Variants in MSRB3 observed in about 807,000 individuals in gnomAD.
MSRB3 encodes the protein methionine sulfoxide reductase B3.
Under a neutral mutation model 21.0 loss-of-function variants are expected in MSRB3, and 13 were observed. That is an observed-to-expected ratio of 0.62 (90% confidence interval 0.40 to 0.98). MSRB3 has a LOEUF of 0.98. Ranked by LOEUF, MSRB3 falls within the 50% of genes least tolerant of loss-of-function variation. MSRB3 has a pLI of 0.00. For synonymous variants in MSRB3, 87 were observed against 88.6 expected (o/e 0.98, Z 0.10); for missense variants, 199 against 230.3 (o/e 0.86, Z 0.88).
At chr12:65,280,316 TTAA>T (rs1442819462) in intron 1 of MSRB3, among the ~76,000 whole-genome samples, 2 of 152,236 alleles carry the variant, frequency 1.3e-5, no homozygotes, top group Non-Finnish European at 2.9e-5. Flanking sequence ...GGAAGTAACT[TTAA>T]TAGCACTTCT....
intron 5 of MSRB3, among the ~76,000 whole-genome samples, chr12:65,421,325 G>C (rs1347602236): frequency 2.0e-5 from 3 of 151,628 alleles, no homozygotes; most frequent in African/African-American, 7.3e-5. Flanking sequence ...TTTTTTTCTT[G>C]TACATTTGTT....
intron 5 of MSRB3, 137 bp from the exon 6 acceptor site, chr12:65,453,591 T>G: frequency 1.4e-6 from 1 of 735,582 alleles, no homozygotes; most frequent in South Asian, 1.5e-5. Context: ...GCTTTTGACC[T>G]TTCTTTTTTC....
chr12:65,389,838 G>A (rs1232360062), intron 5 of MSRB3, among the ~76,000 whole-genome samples: 1 of 152,214 alleles, frequency 6.6e-6, no homozygotes, highest in Non-Finnish European at 1.5e-5. Flanking sequence ...CTGGAGGAAA[G>A]AGTATAATTA....
chr12:65,305,561 C>T (rs1223839767), intron 1 of MSRB3, among the ~76,000 whole-genome samples: 2 of 152,084 alleles, frequency 1.3e-5, no homozygotes, highest in South Asian at 4.1e-4. Flanking sequence ...ACTTAAGGTC[C>T]CTGCCCCTTA....
At chr12:65,340,654 G>A (rs1876077610) in intron 4 of MSRB3, among the ~76,000 whole-genome samples, 1 of 152,058 alleles carries the variant, frequency 6.6e-6, no homozygotes. Context: ...GTTGATCTTT[G>A]AAAAGACCAA....
rs114603314 is a variant in MSRB3 at position 65,304,549 on chromosome 12, C to T, written c.-51-3980C>T. 8.2e-3 allele frequency among the ~76,000 whole-genome samples: 1,248 copies of T among 152,242 alleles called. 18 individuals are homozygous for T. The highest frequency in any genetic ancestry group is 0.029 in the African/African-American group (1,206 of 41,538). The stretch of plus-strand genomic sequence containing the variant: ...GTGGCTCACGCCTGTAATCCCAGCA[C>T]TTTGGGAGGCCGAGGTGGATGGATT... On this transcript the variant is annotated intron_variant, in intron 1 of 6. Coordinates refer to ENST00000308259, the MANE Select transcript of MSRB3 (RefSeq NM_001031679.3).
chr12:65,296,363 CT>C (rs973567748), intron 1 of MSRB3, among the ~76,000 whole-genome samples: 1 of 152,190 alleles, frequency 6.6e-6, no homozygotes, highest in Non-Finnish European at 1.5e-5. Context: ...CTTCGTCTTA[CT>C]TTTCAATCTC....
At position 65,308,506 on chromosome 12, in the gene MSRB3, TTTTTG is replaced by T; in HGVS notation, c.-51-18_-51-14del. Reference sequence around the variant, plus strand: ...TTGTGATGTTTTAATTTGATTTTTGTTTTTGTTTTTTCTCCTACTCAGCTCTTGCC... The same window carrying T: ...TTGTGATGTTTTAATTTGATTTTTGTTTTTTTCTCCTACTCAGCTCTTGCC... On this transcript the variant is annotated intron_variant, in intron 1 of 6. Transcript: ENST00000308259. 6.2e-7 allele frequency: 1 copy of T among 1,612,616 alleles called. No homozygotes were observed.
At chr12:65,373,148 A>C (rs967420621) in intron 5 of MSRB3, among the ~76,000 whole-genome samples, 3 of 152,188 alleles carry the variant, frequency 2.0e-5, no homozygotes, top group Non-Finnish European at 4.4e-5. Context: ...AAATTTCAAG[A>C]ACATGCACGT....
chr12:65,397,314 C>T (rs1352716457), intron 5 of MSRB3, among the ~76,000 whole-genome samples: 2 of 152,100 alleles, frequency 1.3e-5, no homozygotes, highest in African/African-American at 4.8e-5. Context: ...TTGAACCATT[C>T]TGACAATCTC....
At chr12:65,407,348 T>C (rs1442158848) in intron 5 of MSRB3, among the ~76,000 whole-genome samples, 1 of 152,128 alleles carries the variant, frequency 6.6e-6, no homozygotes, top group Non-Finnish European at 1.5e-5. Context: ...GTTTTTTTTT[T>C]TTCTTTTAAC....
chr12:65,322,514 G>A (rs959305488), intron 2 of MSRB3, among the ~76,000 whole-genome samples: 6 of 151,926 alleles, frequency 3.9e-5, no homozygotes, highest in South Asian at 4.2e-4. Context: ...AATTACCCGG[G>A]TGTGGTGGTG....
In MSRB3 at chr12:65,464,247, CT is replaced by C. The variant is rs1883469200; in HGVS notation, c.*926del. On this transcript the variant is annotated 3_prime_UTR_variant, in exon 7 of 7. Coordinates refer to ENST00000308259, the MANE Select transcript of MSRB3 (RefSeq NM_001031679.3). ...CGAGATCATGCCACTGCACTCCAGC[CT>C]ACATGACAATGTGACACTCCATCTC... 2.0e-5 allele frequency: 3 copies of C among 152,226 alleles called. No homozygotes were observed. The highest frequency in any genetic ancestry group is 7.2e-5 in the African/African-American group (3 of 41,402). 9.4% of individuals were successfully genotyped at this position (152,226 alleles called of 1,614,324 possible).
chr12:65,278,990 C>T, intron 1 of MSRB3, 125 bp downstream of exon 1: 2 of 1,489,302 alleles, frequency 1.3e-6, no homozygotes, highest in Middle Eastern at 3.5e-4. Flanking sequence ...CGGCCACCTG[C>T]GGGGACAGCC....
intron 5 of MSRB3, among the ~76,000 whole-genome samples, chr12:65,436,947 C>T (rs1437410939): frequency 6.6e-6 from 1 of 151,892 alleles, no homozygotes; most frequent in Non-Finnish European, 1.5e-5. Context: ...ACCCCAGTTT[C>T]TTTACCTGTA....
intron 5 of MSRB3, among the ~76,000 whole-genome samples, chr12:65,410,552 G>A (rs1215953532): frequency 6.6e-6 from 1 of 152,170 alleles, no homozygotes; most frequent in African/African-American, 2.4e-5. Context: ...GCTGAGGTGG[G>A]AGGCTTGCTG....
chr12:65,456,159 C>G (rs1479004733), intron 6 of MSRB3, among the ~76,000 whole-genome samples: 1 of 152,090 alleles, frequency 6.6e-6, no homozygotes, highest in East Asian at 1.9e-4. Flanking sequence ...TTTAGTAAAC[C>G]TCTTTTAAGA....
chr12:65,383,437 T>C (rs1879045947), intron 5 of MSRB3, among the ~76,000 whole-genome samples: 1 of 152,178 alleles, frequency 6.6e-6, no homozygotes, highest in African/African-American at 2.4e-5. Flanking sequence ...GACTTTTGAT[T>C]ATTTTTTGCT....
chr12:65,453,891 C>T (rs767224078), intron 6 of MSRB3, 66 bp downstream of exon 6: 3 of 1,261,174 alleles, frequency 2.4e-6, no homozygotes, highest in Middle Eastern at 1.9e-4. Flanking sequence ...CTAAATATAG[C>T]AACTAAGGCC....
Sources: allele counts gnomAD v4.1 joint callset (sites outside exome capture counted in the v4.1 genomes callset), GRCh38; gene constraint gnomAD v4.1.1; transcripts MANE v1.5; gene names NCBI Gene and HGNC (gene_info 2026-07-23, HGNC 2026-07-21).